Variants in POLR1C observed in about 807,000 individuals in gnomAD.
POLR1C encodes DNA-directed RNA polymerases I and III subunit RPAC1.
POLR1C carries 42 observed loss-of-function variants against 38.3 expected under a neutral mutation model. The observed-to-expected ratio is 1.10, with a 90% CI of 0.86 to 1.42. The LOEUF is 1.42. Ranked by LOEUF, POLR1C falls within the 40% of genes most tolerant of loss-of-function variation. The probability of loss-of-function intolerance (pLI) is 0.00; values close to 1 mark genes in which losing one functional copy is unlikely to be tolerated. For synonymous variants in POLR1C, 163 were observed against 163.9 expected, an observed-to-expected ratio of 0.99 and a Z score of 0.04; for missense variants, 507 against 450.5, an observed-to-expected ratio of 1.13 and a Z score of -1.14.
At chr6:43,546,973 T>C (rs561637478) in intron 9 of POLR1C, among the ~76,000 whole-genome samples, 40 of 152,258 alleles carry the variant, frequency 2.6e-4, no homozygotes, top group East Asian at 9.7e-4. Context: ...CTCTGGAAAC[T>C]TCCCTTGCAG....
Position 43,521,241 on chromosome 6 carries a change from G to A in POLR1C, c.982G>A (p.Val328Ile). 1.2e-6 allele frequency: 2 copies of A among 1,613,688 alleles called. No individual in the cohort carries two copies. Among genetic ancestry groups the A allele is most frequent in the African/African-American group, 1.3e-5 (1 of 75,016 alleles). The change falls in exon 9 of 9, where the codon GTA becomes ATA. Residue 328 changes from valine (V) to isoleucine (I), a missense_variant. Transcript: ENST00000642195. ...TGTGCTGGTGAGTGAAGCCATCAAA[G>A]TACTGATGGGGAAGTGCCGGCGCTT... ...PDVLVSEAIK[V>I]LMGKCRRFLD...
chr6:43,520,369 C>T lies in POLR1C; in HGVS notation c.597C>T (p.Ile199=), dbSNP rs112689763. The part of the protein sequence containing the change: ...TIRPVHDDIL[I]AQLRPGQEID... ...GACCAGTGCATGATGATATCCTCAT[C>T]GCTCAGCTGCGGCCTGGCCAAGAAA... Residue 199 remains isoleucine (I), a synonymous_variant, in exon 6 of 9, where the codon ATC becomes ATT. Transcript: ENST00000642195. 3.2e-5 allele frequency: 51 copies of T among 1,613,838 alleles called. No homozygotes were observed. Among genetic ancestry groups the T allele is most frequent in the Middle Eastern group, 1.7e-4 (1 of 6,054 alleles).
chr6:43,524,043 C>G, downstream of POLR1C: 1 of 1,600,542 alleles, frequency 6.2e-7, no homozygotes, highest in African/African-American at 1.3e-5. Flanking sequence ...ATGCTGGGCC[C>G]TCAGTAGTAG....
At position 43,520,952 on chromosome 6, in the gene POLR1C, G is replaced by A; in HGVS notation, c.826G>A (p.Ala276Thr). 6.2e-7 allele frequency: 1 copy of A among 1,614,172 alleles called. No individual in the cohort carries two copies. Among genetic ancestry groups the A allele is most frequent in the Non-Finnish European group, 8.5e-7 (1 of 1,179,990 alleles). The part of the protein sequence containing the change: ...EVQGKKVARV[A>T]NPRLDTFSRE... ...ATTAGGTAAAAAGGTGGCCAGAGTT[G>A]CCAACCCCCGGCTGGATACCTTCAG... Residue 276 changes from alanine to threonine, a missense_variant, in exon 8 of 9, where the codon GCC becomes ACC. Ala to Thr is a moderately conservative substitution (Grantham distance 58). Transcript: ENST00000642195.
At chr6:43,527,821 C>T (rs1411733435) in intron 8 of POLR1C, 4 of 1,361,586 alleles carry the variant, frequency 2.9e-6, no homozygotes, top group East Asian at 2.3e-5. Context: ...TCTCTGACCA[C>T]TTTCTTCTCC....
intron 4 of POLR1C, 104 bp downstream of exon 4, chr6:43,519,942 C>T: frequency 1.3e-6 from 2 of 1,536,526 alleles, no homozygotes; most frequent in Non-Finnish European, 8.9e-7. Context: ...TGTCTTTCAT[C>T]TGTGAGAACA....
At chr6:43,542,067 G>C (rs1794724593) in intron 9 of POLR1C, among the ~76,000 whole-genome samples, 2 of 152,124 alleles carry the variant, frequency 1.3e-5, no homozygotes, top group South Asian at 4.1e-4. Flanking sequence ...ACATGCATGA[G>C]CCACCGCACC....
intron 9 of POLR1C, among the ~76,000 whole-genome samples, chr6:43,546,980 G>A (rs185357664): frequency 6.6e-6 from 1 of 152,238 alleles, no homozygotes; most frequent in African/African-American, 2.4e-5. Context: ...AACTTCCCTT[G>A]CAGTAAGCTG....
downstream of POLR1C, chr6:43,522,982 T>G (rs1026047313): frequency 1.3e-4 from 23 of 174,466 alleles, no homozygotes; most frequent in African/African-American, 5.2e-4. Flanking sequence ...GGAAGGCACC[T>G]GGACTTAGTC....
downstream of POLR1C, chr6:43,524,321 C>T (rs1793399060): frequency 1.7e-6 from 2 of 1,143,168 alleles, no homozygotes; most frequent in African/African-American, 1.6e-5. Context: ...CACTGCACTC[C>T]AGCCTGGGCA....
chr6:43,554,003 T>TA (rs1422366128), intron 10 of POLR1C, among the ~76,000 whole-genome samples: 7 of 152,224 alleles, frequency 4.6e-5, no homozygotes, highest in Non-Finnish European at 8.8e-5. Context: ...ATGACAGCCT[T>TA]AAGGGCTATG....
chr6:43,525,291 C>T (rs531507184), downstream of POLR1C: 404 of 1,370,070 alleles, frequency 2.9e-4, 1 homozygote, highest in African/African-American at 5.1e-3. Flanking sequence ...CATCAGGAGC[C>T]GGAGGGTTTT....
At chr6:43,531,381 G>A (rs142682239), downstream of POLR1C, 5 of 1,100,186 alleles carry the variant, frequency 4.5e-6, no homozygotes, top group African/African-American at 1.6e-5. Context: ...CTCTTGCCTC[G>A]CCTTACCTGT....
At chr6:43,557,442 A>C (rs753368023) in intron 10 of POLR1C, among the ~76,000 whole-genome samples, 2 of 152,122 alleles carry the variant, frequency 1.3e-5, no homozygotes, top group Admixed American at 6.6e-5. Context: ...AAAAGAAATC[A>C]AGTACTGATA....
chr6:43,545,669 T>C (rs569851807), intron 9 of POLR1C, among the ~76,000 whole-genome samples: 7 of 151,852 alleles, frequency 4.6e-5, no homozygotes, highest in Admixed American at 1.3e-4. Flanking sequence ...ATTGCACCAC[T>C]GCACTCCCAG....
At chr6:43,524,094 T>C, downstream of POLR1C, 1 of 1,518,194 alleles carries the variant, frequency 6.6e-7, no homozygotes, top group Non-Finnish European at 8.8e-7. Flanking sequence ...CTCGCGCCTG[T>C]AATCCCAACA....
Position 43,519,441 on chromosome 6 carries a change from G to A in POLR1C, c.249+1G>A, listed in dbSNP as rs1259586812. 6.2e-7 allele frequency: 1 copy of A among 1,603,524 alleles called. No individual in the cohort carries two copies. Among genetic ancestry groups the A allele is most frequent in the Non-Finnish European group, 8.5e-7 (1 of 1,170,356 alleles). On this transcript the variant is annotated splice_donor_variant, in intron 3 of 8. Coordinates refer to ENST00000642195, the MANE Select transcript of POLR1C (RefSeq NM_203290.4). LOFTEE classifies it high-confidence loss of function. ...TTTTCGACGAATTCTGCTAGCTGAG[G>A]TATTGGCAGGCATGGTGACAAGGCT...
intron 9 of POLR1C, chr6:43,546,821 T>A (rs1014177931): frequency 7.0e-7 from 1 of 1,425,738 alleles, no homozygotes; most frequent in Non-Finnish European, 9.3e-7. Flanking sequence ...TACTGTTAGA[T>A]ATATTCAAGG....
chr6:43,530,850 G>A (rs1398937057), downstream of POLR1C: 1 of 1,596,086 alleles, frequency 6.3e-7, no homozygotes, highest in Non-Finnish European at 8.5e-7. Flanking sequence ...AAAGAGCATT[G>A]AAAATGACAA....
Sources: allele counts gnomAD v4.1 joint callset (sites outside exome capture counted in the v4.1 genomes callset), GRCh38; gene constraint gnomAD v4.1.1; transcripts MANE v1.5; gene names NCBI Gene and HGNC (gene_info 2026-07-23, HGNC 2026-07-21).